The following HTT variants were observed in gnomAD, a reference collection of about 807,000 sequenced individuals.
HTT encodes huntington disease protein.
A neutral mutation model predicts 362.3 loss-of-function variants in HTT; 104 were observed. The observed-to-expected ratio is 0.29, with a 90% CI of 0.24 to 0.34. The LOEUF (loss-of-function observed/expected upper bound fraction) is 0.34. Among genes scored for constraint, HTT ranks in the 10% least tolerant of loss-of-function variants. The pLI is 1.00. For missense variants in HTT, 3,301 were observed against 3,928.6 expected (o/e 0.84, Z 4.27); for synonymous variants, 1,577 against 1,548.7 (o/e 1.02, Z -0.43).
chr4:3,207,831 T>G (rs1719939523), intron 45 of HTT, among the ~76,000 whole-genome samples: 1 of 152,212 alleles, frequency 6.6e-6, no homozygotes, highest in African/African-American at 2.4e-5. Flanking sequence ...GTTTGCAAAG[T>G]CTTTGAGAAG....
intron 29 of HTT, among the ~76,000 whole-genome samples, chr4:3,169,418 C>T (rs762921029): frequency 1.3e-5 from 2 of 152,088 alleles, no homozygotes; most frequent in African/African-American, 4.8e-5. Flanking sequence ...TTAGTGTTGT[C>T]CCATAGCTTA....
chr4:3,182,523 C>A, intron 37 of HTT, 53 bp downstream of exon 37: 1 of 1,161,796 alleles, frequency 8.6e-7, no homozygotes, highest in South Asian at 1.2e-5. Flanking sequence ...AGCTTAAGGT[C>A]CTTGTGAAAG....
intron 65 of HTT, 81 bp from the exon 66 acceptor site, chr4:3,238,737 C>T (rs1293877908): frequency 2.8e-6 from 3 of 1,063,598 alleles, no homozygotes; most frequent in Non-Finnish European, 4.1e-6. Context: ...CTGGCCCCCA[C>T]CCCACCCCCG....
chr4:3,151,627 T>G (rs1716898329), intron 26 of HTT, among the ~76,000 whole-genome samples: 1 of 152,134 alleles, frequency 6.6e-6, no homozygotes, highest in Non-Finnish European at 1.5e-5. Context: ...ATTTGAGGGA[T>G]CTAGGTTGCA....
intron 29 of HTT, among the ~76,000 whole-genome samples, chr4:3,163,715 GTT>G (rs1401317892): frequency 6.6e-6 from 1 of 152,180 alleles, no homozygotes; most frequent in Non-Finnish European, 1.5e-5. Flanking sequence ...GGGTAGAGAT[GTT>G]TATAGTATTC....
chr4:3,186,837 G>GGT, intron 38 of HTT, 118 bp downstream of exon 38: 1 of 380,580 alleles, frequency 2.6e-6, no homozygotes, highest in Non-Finnish European at 4.1e-6. Flanking sequence ...TTGAGAGTTT[G>GGT]CTTTTTTTTT....
chr4:3,221,312 T>A (rs1165047942), intron 53 of HTT, among the ~76,000 whole-genome samples: 4 of 152,160 alleles, frequency 2.6e-5, no homozygotes, highest in African/African-American at 9.7e-5. Context: ...ACGGAGCTCC[T>A]CCTCTTCCTG....
At chr4:3,121,161 A>G (rs900743033) in intron 8 of HTT, 67 bp from the exon 9 acceptor site, 2 of 1,236,546 alleles carry the variant, frequency 1.6e-6, no homozygotes, top group Non-Finnish European at 1.2e-6. Context: ...TAAAAACAAC[A>G]AAAAAGTGAA....
At chr4:3,158,828 T>C (rs1011405320) in intron 28 of HTT, among the ~76,000 whole-genome samples, 9 of 152,148 alleles carry the variant, frequency 5.9e-5, no homozygotes, top group African/African-American at 1.9e-4. Context: ...GTAGAGAAGA[T>C]ACTTCTTTTC....
At position 3,233,282 on chromosome 4, in the gene HTT, G is replaced by A; in HGVS notation, c.8385G>A (p.Leu2795=). 1 of 1,611,550 alleles carries A rather than the reference G, an allele frequency of 6.2e-7. No individual in the cohort carries two copies. Among genetic ancestry groups the A allele is most frequent in the Non-Finnish European group, 8.5e-7 (1 of 1,178,418 alleles). Residue 2795 remains leucine (L), a synonymous_variant, in exon 61 of 67, where the codon CTG becomes CTA. Transcript: ENST00000355072. The stretch of plus-strand genomic sequence containing the variant: ...TCTATGTGCTGGAGTGCGACCTGCT[G>A]GACGACACTGCCAAGCAGCTCATCC... ...GVLYVLECDL[L]DDTAKQLIPV...
At position 3,212,676 on chromosome 4, in the gene HTT, G is replaced by A; in HGVS notation, c.6741G>A (p.Lys2247=). 1.2e-6 allele frequency: 2 copies of A among 1,614,224 alleles called. No individual in the cohort carries two copies. The highest frequency in any genetic ancestry group is 1.7e-6 in the Non-Finnish European group (2 of 1,180,044). ...SHLHLPPEKE[K]DIVKFVVATL... ...TGCACCTTCCTCCTGAGAAAGAGAA[G>A]GACATTGTGAAATTCGTGGTGGCAA... The change falls in exon 49 of 67, where the codon AAG becomes AAA. Residue 2247 remains lysine (K), a synonymous_variant. Coordinates refer to ENST00000355072, the MANE Select transcript of HTT (RefSeq NM_001388492.1).
At chr4:3,115,850 C>T (rs1203734833) in intron 7 of HTT, among the ~76,000 whole-genome samples, 3 of 152,102 alleles carry the variant, frequency 2.0e-5, no homozygotes, top group Non-Finnish European at 2.9e-5. Context: ...AGCATGTGGA[C>T]GTGCGATATG....
chr4:3,201,606 T>A (rs1407130868), intron 41 of HTT, among the ~76,000 whole-genome samples: 1 of 152,040 alleles, frequency 6.6e-6, no homozygotes, highest in East Asian at 1.9e-4. Flanking sequence ...AAAATATCGT[T>A]CTTTAATGGT....
At chr4:3,164,342 C>A (rs892084824) in intron 29 of HTT, among the ~76,000 whole-genome samples, 3 of 152,138 alleles carry the variant, frequency 2.0e-5, no homozygotes, top group Non-Finnish European at 4.4e-5. Flanking sequence ...TGTTTTACTT[C>A]CAACTATGTG....
intron 40 of HTT, among the ~76,000 whole-genome samples, chr4:3,189,929 T>C (rs972104536): frequency 2.0e-5 from 3 of 152,036 alleles, no homozygotes; most frequent in Non-Finnish European, 2.9e-5. Context: ...GGCTGGAGGA[T>C]CGCTTGAGCC....
In HTT at chr4:3,235,791, A is replaced by C; in HGVS notation, c.8785+13A>C. On this transcript the variant is annotated intron_variant, in intron 63 of 66. Coordinates refer to ENST00000355072, the MANE Select transcript of HTT (RefSeq NM_001388492.1). The stretch of plus-strand genomic sequence containing the variant: ...TGCATGTACACAGGTGAGCATGTAC[A>C]CGGTGCCCATAAGGCCAGCCCAAGT... The C allele has an allele frequency of 6.3e-7, 1 of 1,594,600 alleles. No individual in the cohort carries two copies. Among genetic ancestry groups the C allele is most frequent in the Non-Finnish European group, 8.5e-7 (1 of 1,172,424 alleles).
chr4:3,199,268 C>A (rs190805931), intron 40 of HTT, among the ~76,000 whole-genome samples: 11 of 152,324 alleles, frequency 7.2e-5, no homozygotes, highest in African/African-American at 2.2e-4. Context: ...ATTGGCCAGG[C>A]ACGGCGGCTC....
chr4:3,146,463 T>G (rs749900641), intron 24 of HTT, among the ~76,000 whole-genome samples: 3 of 152,236 alleles, frequency 2.0e-5, no homozygotes, highest in Admixed American at 6.5e-5. Flanking sequence ...TGTGCCTGTT[T>G]ACTCAATGGC....
intron 6 of HTT, among the ~76,000 whole-genome samples, chr4:3,109,426 G>A (rs2110165615): frequency 6.6e-6 from 1 of 152,076 alleles, no homozygotes; most frequent in Admixed American, 6.5e-5. Flanking sequence ...GGTTTCTCCG[G>A]GTTGGTCAGG....
Sources: allele counts gnomAD v4.1 joint callset (sites outside exome capture counted in the v4.1 genomes callset), GRCh38; gene constraint gnomAD v4.1.1; transcripts MANE v1.5; gene names NCBI Gene and HGNC (gene_info 2026-07-23, HGNC 2026-07-21).